The following GPATCH2 variants were observed in gnomAD, a reference collection of about 807,000 sequenced individuals.
The protein encoded by GPATCH2 is G-patch domain containing 2.
Under a neutral mutation model 58.0 loss-of-function variants are expected in GPATCH2, and 51 were observed. The observed-to-expected ratio is 0.88, with a 90% CI of 0.70 to 1.11. The LOEUF (loss-of-function observed/expected upper bound fraction) is 1.11, where lower values mean the gene tolerates loss of function less well. Ranked by LOEUF, GPATCH2 falls within the 50% of genes most tolerant of loss-of-function variation. The probability of loss-of-function intolerance (pLI) is 0.00; values close to 1 mark genes in which losing one functional copy is unlikely to be tolerated. For synonymous variants in GPATCH2, 222 were observed against 218.5 expected (o/e 1.02, Z -0.14); for missense variants, 625 against 652.2 (o/e 0.96, Z 0.45).
chr1:217,531,044 AACACACACACACACAC>A (rs56751109), intron 5 of GPATCH2, among the ~76,000 whole-genome samples: 2 of 148,192 alleles, frequency 1.3e-5, no homozygotes, highest in Admixed American at 1.4e-4. Flanking sequence ...CAGTTACACA[AACACACACACACACAC>A]ACACACACAC....
intron 8 of GPATCH2, among the ~76,000 whole-genome samples, chr1:217,468,165 A>C (rs1050550359): frequency 1.3e-5 from 2 of 152,206 alleles, no homozygotes; most frequent in Non-Finnish European, 2.9e-5. Flanking sequence ...AGTTTTCAAC[A>C]GAAGTAACTA....
At chr1:217,487,401 CAT>C (rs1412377937) in intron 8 of GPATCH2, among the ~76,000 whole-genome samples, 2 of 151,322 alleles carry the variant, frequency 1.3e-5, no homozygotes, top group South Asian at 2.1e-4. Context: ...GCTTCTGACA[CAT>C]GAGTTGCTTG....
intron 5 of GPATCH2, among the ~76,000 whole-genome samples, chr1:217,519,006 AATT>A (rs1486416268): frequency 3.3e-5 from 5 of 152,210 alleles, no homozygotes; most frequent in Non-Finnish European, 7.3e-5. Context: ...CTCTTACGGC[AATT>A]ATTAATTTGA....
chr1:217,428,068 A>G lies in GPATCH2; in HGVS notation c.*3077T>C, dbSNP rs1658393927. Reference sequence around the variant, plus strand: ...TTAAAAATAAAAGTAACCAAATTAAATAGTGTATTCGGGGAGCAGAAAAGA... The same window carrying G: ...TTAAAAATAAAAGTAACCAAATTAAGTAGTGTATTCGGGGAGCAGAAAAGA... On this transcript the variant is annotated 3_prime_UTR_variant, in exon 10 of 10. Transcript: ENST00000366935. The G allele has an allele frequency of 6.6e-6, 1 of 152,192 alleles. No homozygotes were observed. Among genetic ancestry groups the G allele is most frequent in the Non-Finnish European group, 1.5e-5 (1 of 68,004 alleles). The allele number at this position is 152,192 out of a possible 1,614,324, so 9.4% of individuals were successfully genotyped here.
intron 5 of GPATCH2, among the ~76,000 whole-genome samples, chr1:217,545,474 T>C (rs1664994063): frequency 6.6e-6 from 1 of 152,176 alleles, no homozygotes; most frequent in Non-Finnish European, 1.5e-5. Context: ...ACTTATTACT[T>C]TTCTCCCACA....
At chr1:217,491,027 TGG>T (rs1222243704) in intron 8 of GPATCH2, among the ~76,000 whole-genome samples, 1 of 152,188 alleles carries the variant, frequency 6.6e-6, no homozygotes, top group Non-Finnish European at 1.5e-5. Context: ...TGGGATGCAA[TGG>T]TGGCTGCTGA....
intron 5 of GPATCH2, among the ~76,000 whole-genome samples, chr1:217,569,992 T>C (rs1005548191): frequency 6.6e-6 from 1 of 152,206 alleles, no homozygotes; most frequent in African/African-American, 2.4e-5. Flanking sequence ...CTTCAAATCC[T>C]CAGATTTTTG....
chr1:217,470,347 A>G (rs938433788), intron 8 of GPATCH2, among the ~76,000 whole-genome samples: 3 of 152,212 alleles, frequency 2.0e-5, no homozygotes, highest in African/African-American at 4.8e-5. Flanking sequence ...ATTTGAAAAT[A>G]TCTAGTTCAT....
At chr1:217,537,771 A>G (rs187891879) in intron 5 of GPATCH2, among the ~76,000 whole-genome samples, 32 of 152,328 alleles carry the variant, frequency 2.1e-4, no homozygotes, top group Admixed American at 2.6e-4. Context: ...CACTAATTCA[A>G]TCATCTGGAT....
intron 2 of GPATCH2, among the ~76,000 whole-genome samples, chr1:217,615,704 G>A (rs1668853155): frequency 6.6e-6 from 1 of 152,098 alleles, no homozygotes; most frequent in African/African-American, 2.4e-5. Context: ...AAATGCCTCG[G>A]AGGAGTCTGG....
chr1:217,468,040 T>C (rs1354041044), intron 8 of GPATCH2, among the ~76,000 whole-genome samples: 1 of 152,204 alleles, frequency 6.6e-6, no homozygotes, highest in Non-Finnish European at 1.5e-5. Context: ...TGGAAAATGT[T>C]AGGAACCAAT....
At chr1:217,560,695 C>G (rs751324135) in intron 5 of GPATCH2, among the ~76,000 whole-genome samples, 1 of 152,178 alleles carries the variant, frequency 6.6e-6, no homozygotes, top group African/African-American at 2.4e-5. Flanking sequence ...ACATCTGGGG[C>G]CAGGTTAATT....
intron 5 of GPATCH2, among the ~76,000 whole-genome samples, chr1:217,525,808 A>G (rs1663875278): frequency 1.3e-5 from 2 of 152,186 alleles, no homozygotes. Context: ...ACAAATTATT[A>G]ATATAGCTTT....
At chr1:217,575,266 C>T (rs1269746651) in intron 5 of GPATCH2, among the ~76,000 whole-genome samples, 1 of 151,956 alleles carries the variant, frequency 6.6e-6, no homozygotes, top group Non-Finnish European at 1.5e-5. Flanking sequence ...TTTTCCTTGG[C>T]CCTAGAAAAA....
intron 8 of GPATCH2, among the ~76,000 whole-genome samples, chr1:217,466,429 G>C (rs1558412176): frequency 2.0e-5 from 3 of 151,818 alleles, no homozygotes; most frequent in Admixed American, 6.6e-5. Flanking sequence ...CTTTCTATAT[G>C]GCCCAGGCAG....
At chr1:217,626,539 T>C (rs1218743634) in intron 1 of GPATCH2, among the ~76,000 whole-genome samples, 1 of 152,156 alleles carries the variant, frequency 6.6e-6, no homozygotes, top group Non-Finnish European at 1.5e-5. Flanking sequence ...AGATGCCACA[T>C]CAAGGCTAAA....
At chr1:217,564,249 G>A (rs974177115) in intron 5 of GPATCH2, among the ~76,000 whole-genome samples, 2 of 152,108 alleles carry the variant, frequency 1.3e-5, no homozygotes, top group African/African-American at 2.4e-5. Context: ...CCAGATGATA[G>A]CCATATATAA....
chr1:217,463,981 A>G (rs1477486354), intron 8 of GPATCH2, among the ~76,000 whole-genome samples: 1 of 152,176 alleles, frequency 6.6e-6, no homozygotes, highest in Non-Finnish European at 1.5e-5. Flanking sequence ...AAGGCACTTA[A>G]TGGTGTGTGA....
chr1:217,596,521 A>G (rs1376254263), intron 5 of GPATCH2, among the ~76,000 whole-genome samples: 1 of 152,170 alleles, frequency 6.6e-6, no homozygotes, highest in African/African-American at 2.4e-5. Flanking sequence ...TGATATACAT[A>G]AAAAGATTAG....
Sources: gnomAD v4.1 joint callset for allele counts (sites outside exome capture counted in the v4.1 genomes callset) on GRCh38, gnomAD v4.1.1 for gene constraint, MANE v1.5 for transcripts, NCBI Gene and HGNC (gene_info 2026-07-23, HGNC 2026-07-21) for gene names.